The following KCNIP1 variants were observed in gnomAD, a reference collection of about 807,000 sequenced individuals.
The protein encoded by KCNIP1 is potassium voltage-gated channel interacting protein 1.
Under a neutral mutation model 33.0 loss-of-function variants are expected in KCNIP1, and 18 were observed. The ratio of observed to expected loss-of-function variants is 0.55; its 90% CI spans 0.38 to 0.81. The LOEUF (loss-of-function observed/expected upper bound fraction) is 0.81. Ranked by LOEUF, KCNIP1 falls within the 30% of genes least tolerant of loss-of-function variation. The probability of loss-of-function intolerance (pLI) is 0.00; values close to 1 mark genes in which losing one functional copy is unlikely to be tolerated. For synonymous variants in KCNIP1, 93 were observed against 98.3 expected (o/e 0.95, Z 0.32); for missense variants, 238 against 271.6 (o/e 0.88, Z 0.87).
chr5:170,701,101 G>A (rs911728498), intron 1 of KCNIP1, among the ~76,000 whole-genome samples: 3 of 152,070 alleles, frequency 2.0e-5, no homozygotes, highest in African/African-American at 4.8e-5. Flanking sequence ...CTTAAAAAAT[G>A]TTCCAACCAG....
intron 1 of KCNIP1, among the ~76,000 whole-genome samples, chr5:170,579,066 C>A (rs1304523300): frequency 6.6e-6 from 1 of 152,202 alleles, no homozygotes; most frequent in Non-Finnish European, 1.5e-5. Context: ...ATCCAAACCT[C>A]AATGGCATAG....
intron 1 of KCNIP1, among the ~76,000 whole-genome samples, chr5:170,449,350 C>T (rs2113065745): frequency 6.6e-6 from 1 of 152,354 alleles, no homozygotes; most frequent in South Asian, 2.1e-4. Context: ...AACTTCCAAA[C>T]TGTGCTTCGG....
At chr5:170,729,096 T>C (rs1764104121) in intron 5 of KCNIP1, among the ~76,000 whole-genome samples, 1 of 152,040 alleles carries the variant, frequency 6.6e-6, no homozygotes, top group African/African-American at 2.4e-5. Flanking sequence ...AAGTAAATAT[T>C]CTTACTCGGT....
chr5:170,383,634 C>A (rs756125474), intron 1 of KCNIP1: 3 of 1,606,424 alleles, frequency 1.9e-6, no homozygotes, highest in Non-Finnish European at 2.6e-6. Context: ...GCTCACACAC[C>A]TGACAGGGAT....
At chr5:170,514,402 C>T (rs1021039007) in intron 1 of KCNIP1, among the ~76,000 whole-genome samples, 1 of 152,178 alleles carries the variant, frequency 6.6e-6, no homozygotes, top group Non-Finnish European at 1.5e-5. Context: ...CCCCACCCAT[C>T]GAAATCAGGG....
Position 170,514,427 on chromosome 5 carries a change from C to G in KCNIP1, c.61+9794C>G, listed in dbSNP as rs111328904. Among the ~76,000 whole-genome samples, 1,308 of 152,286 alleles carry G rather than the reference C, an allele frequency of 8.6e-3. 12 individuals carry two copies. The highest frequency in any genetic ancestry group is 0.029 in the African/African-American group (1,208 of 41,558). Reference sequence around the variant, plus strand: ...CGAAATCAGGGCAGCAAGGGGCTCCCCTTGTCTTCTTCCCTCTTTGCATAC... The same window carrying G: ...CGAAATCAGGGCAGCAAGGGGCTCCGCTTGTCTTCTTCCCTCTTTGCATAC... On this transcript the variant is annotated intron_variant, in intron 1 of 7. Coordinates refer to ENST00000328939, the MANE Select transcript of KCNIP1 (RefSeq NM_014592.4).
intron 1 of KCNIP1, among the ~76,000 whole-genome samples, chr5:170,473,617 C>T (rs1311402737): frequency 6.6e-6 from 1 of 152,170 alleles, no homozygotes; most frequent in African/African-American, 2.4e-5. Flanking sequence ...GGGCCCCTGG[C>T]AGCTCAGCAT....
intron 1 of KCNIP1, among the ~76,000 whole-genome samples, chr5:170,674,129 GAGGAAGGAAGGAAGGAAGGAAGGA>G (rs1160032180): frequency 1.7e-3 from 127 of 75,076 alleles, no homozygotes; most frequent in African/African-American, 6.3e-3. Context: ...GGAAAGCAAT[GAGGAAGGAAGGAAGGAAGGAAGGA>G]AGGAAGGAAG....
chr5:170,571,152 T>C (rs61340956), intron 1 of KCNIP1, among the ~76,000 whole-genome samples: 61,375 of 152,144 alleles, frequency 0.4, 13,242 homozygotes, highest in Admixed American at 0.49. Context: ...CTCCACCATC[T>C]GCCCGGTCCT....
upstream of KCNIP1, among the ~76,000 whole-genome samples, chr5:170,500,738 G>A (rs1009748933): frequency 2.0e-5 from 3 of 152,180 alleles, no homozygotes; most frequent in Non-Finnish European, 4.4e-5. Context: ...GGGCACGTGC[G>A]TATGTGTGTG....
At chr5:170,532,533 TTCTC>T (rs1004257642) in intron 1 of KCNIP1, among the ~76,000 whole-genome samples, 1 of 152,050 alleles carries the variant, frequency 6.6e-6, no homozygotes, top group Non-Finnish European at 1.5e-5. Context: ...TGCTCTCTCT[TTCTC>T]TCTCTCTCTA....
chr5:170,697,393 G>T (rs1423081141), intron 1 of KCNIP1, among the ~76,000 whole-genome samples: 1 of 152,170 alleles, frequency 6.6e-6, no homozygotes, highest in Admixed American at 6.5e-5. Flanking sequence ...CTGCCAAAGT[G>T]CCTTGCACAT....
chr5:170,516,947 ATAG>A (rs1425702171), intron 1 of KCNIP1, among the ~76,000 whole-genome samples: 4 of 152,128 alleles, frequency 2.6e-5, no homozygotes, highest in African/African-American at 9.7e-5. Flanking sequence ...AATGATTTTG[ATAG>A]TGGTGGTGAT....
chr5:170,579,676 A>C (rs1757723580), intron 1 of KCNIP1, among the ~76,000 whole-genome samples: 1 of 152,192 alleles, frequency 6.6e-6, no homozygotes, highest in Non-Finnish European at 1.5e-5. Flanking sequence ...CTGGCATTGC[A>C]AGAAATTCTT....
chr5:170,493,422 TC>T (rs1757247624), intron 1 of KCNIP1, among the ~76,000 whole-genome samples: 1 of 152,216 alleles, frequency 6.6e-6, no homozygotes, highest in East Asian at 1.9e-4. Flanking sequence ...GAAGGTTCCA[TC>T]CCTGGAGATC....
chr5:170,378,428 G>A, intron 1 of KCNIP1: 2 of 407,692 alleles, frequency 4.9e-6, no homozygotes, highest in South Asian at 5.2e-5. Flanking sequence ...CCGGAAACAG[G>A]TATGAGTCAG....
intron 1 of KCNIP1, among the ~76,000 whole-genome samples, chr5:170,645,667 C>T (rs898433302): frequency 4.6e-5 from 7 of 152,082 alleles, no homozygotes; most frequent in African/African-American, 7.2e-5. Context: ...GAGCAGATAT[C>T]GTATTTTTCT....
In KCNIP1 at chr5:170,564,051, C is replaced by G. The variant is rs1489003136; in HGVS notation, c.61+59418C>G. Among the ~76,000 whole-genome samples, 5 of 152,180 alleles carry G rather than the reference C, an allele frequency of 3.3e-5. No homozygotes were observed. In the South Asian group the frequency reaches 1.0e-3, roughly 32 times the overall value. ...CCAACCACCCTACGTCCTCTTTCCT[C>G]CATAACCACGTCACAGTGCACTGTA... On this transcript the variant is annotated intron_variant, in intron 1 of 7. Transcript: ENST00000328939.
At chr5:170,480,948 C>T (rs1280601636) in intron 1 of KCNIP1, among the ~76,000 whole-genome samples, 2 of 152,042 alleles carry the variant, frequency 1.3e-5, no homozygotes, top group Non-Finnish European at 2.9e-5. Flanking sequence ...CTTAATAACC[C>T]AACATATATT....
Sources: allele counts gnomAD v4.1 joint callset (sites outside exome capture counted in the v4.1 genomes callset), GRCh38; gene constraint gnomAD v4.1.1; transcripts MANE v1.5; gene names NCBI Gene and HGNC (gene_info 2026-07-23, HGNC 2026-07-21).